LIPH: variants seen among roughly 807,000 people sequenced by gnomAD.
LIPH encodes lipase H.
LIPH carries 32 observed loss-of-function variants against 47.6 expected under a neutral mutation model. That is an observed-to-expected ratio of 0.67 (90% CI 0.51 to 0.90). The LOEUF (loss-of-function observed/expected upper bound fraction) is 0.90. Ranked by LOEUF, LIPH falls within the 40% of genes least tolerant of loss-of-function variation. LIPH has a pLI of 0.00. For synonymous variants in LIPH, 190 were observed against 195.6 expected (o/e 0.97, Z 0.24); for missense variants, 497 against 541.4 (o/e 0.92, Z 0.81).
chr3:185,529,941 AGAAAGAAAGAAAGAAAGAAAGAAG>A (rs1344961686), intron 3 of LIPH, among the ~76,000 whole-genome samples: 67 of 52,506 alleles, frequency 1.3e-3, no homozygotes, highest in African/African-American at 2.3e-3. Flanking sequence ...AAAGAAAGAA[AGAAAGAAAGAAAGAAAGAAAGAAG>A]GAAAGAAAGA....
At chr3:185,530,967 A>G (rs1480214806) in intron 3 of LIPH, among the ~76,000 whole-genome samples, 1 of 152,204 alleles carries the variant, frequency 6.6e-6, no homozygotes, top group Non-Finnish European at 1.5e-5. Context: ...CAGTTTTCAG[A>G]GTGATAACGG....
At chr3:185,538,876 T>TATATATACATATATACATATATACAC (rs1305113480) in intron 1 of LIPH, among the ~76,000 whole-genome samples, 1 of 140,866 alleles carries the variant, frequency 7.1e-6, no homozygotes, top group African/African-American at 2.6e-5. Flanking sequence ...TATATACACA[T>TATATATACATATATACATATATACAC]ATATATACAT....
At position 185,534,941 on chromosome 3, in the gene LIPH, T is replaced by C. The variant is rs1176079211; in HGVS notation, c.241A>G (p.Thr81Ala). The change falls in exon 2 of 10, where the codon ACA (threonine) becomes GCA (alanine). Residue 81 changes from threonine (T) to alanine (A), a missense_variant. Physicochemically the swap from Thr to Ala is moderately conservative, Grantham distance 58 (BLOSUM62 0). Coordinates refer to ENST00000296252, the MANE Select transcript of LIPH (RefSeq NM_139248.3). Reference protein sequence around the residue: ...TTFIVHGFRPTGSPPVWMDDL... With the variant: ...TTFIVHGFRPAGSPPVWMDDL... ...TCCATCCAAACAGGAGGGGAGCCTG[T>C]TGGCCTGAATCCATGGACAATGAAG... 1 of 1,614,046 alleles carries C rather than the reference T, an allele frequency of 6.2e-7. No homozygotes were observed.
chr3:185,520,768 T>C (rs1442857223), intron 5 of LIPH, among the ~76,000 whole-genome samples: 1 of 152,118 alleles, frequency 6.6e-6, no homozygotes, highest in East Asian at 1.9e-4. Flanking sequence ...ATTATCAAAA[T>C]TCTCCCATTC....
At chr3:185,538,810 C>T (rs58201551) in intron 1 of LIPH, among the ~76,000 whole-genome samples, 1 of 4,922 alleles carries the variant, frequency 2.0e-4, no homozygotes, top group Non-Finnish European at 6.8e-4. Flanking sequence ...CACATATATA[C>T]ATATATACAC....
intron 1 of LIPH, among the ~76,000 whole-genome samples, chr3:185,549,321 C>A (rs892614770): frequency 6.6e-5 from 10 of 151,978 alleles, no homozygotes; most frequent in African/African-American, 2.4e-4. Context: ...GAATCATGTG[C>A]ATAAATATGC....
Position 185,534,953 on chromosome 3 carries a change from C to T in LIPH, c.229G>A (p.Gly77Arg). ...GGAGGGGAGCCTGTTGGCCTGAATC[C>T]ATGGACAATGAAGGTGGTTTTCTTG... ...VTKKTTFIVH[G>R]FRPTGSPPVW... The change falls in exon 2 of 10, where the codon GGA becomes AGA. Residue 77 changes from glycine (G) to arginine (R), a missense_variant. Physicochemically the swap from Gly to Arg is moderately radical, Grantham distance 125 (BLOSUM62 -2). Coordinates refer to ENST00000296252, the MANE Select transcript of LIPH (RefSeq NM_139248.3). 2 of 1,614,128 alleles carry T rather than the reference C, an allele frequency of 1.2e-6. No homozygotes were observed. Among genetic ancestry groups the T allele is most frequent in the South Asian group, 1.1e-5 (1 of 91,062 alleles).
intron 9 of LIPH, among the ~76,000 whole-genome samples, 184 bp from the exon 10 acceptor site, chr3:185,509,061 G>T (rs1719472341): frequency 1.3e-5 from 2 of 152,080 alleles, no homozygotes; most frequent in South Asian, 2.1e-4. Context: ...AGAGGCCGAG[G>T]CGGGCAGATA....
intron 1 of LIPH, 60 bp from the exon 2 acceptor site, chr3:185,535,192 G>A (rs570789349): frequency 1.7e-5 from 27 of 1,582,962 alleles, no homozygotes; most frequent in African/African-American, 1.5e-4. Flanking sequence ...CATCAAGCAA[G>A]AGTGCTGTTC....
In LIPH at chr3:185,523,098, T is replaced by C. The variant is rs116452672; in HGVS notation, c.718+973A>G. ...ACTTTTTGTAAGCTGGCCATTTAAA[T>C]TATTTCAAAAGCTCTAATTATTATA... is the stretch of plus-strand genomic sequence containing the variant. On this transcript the variant is annotated intron_variant, in intron 5 of 9. Coordinates refer to ENST00000296252, the MANE Select transcript of LIPH (RefSeq NM_139248.3). 1.6e-3 allele frequency among the ~76,000 whole-genome samples: 246 copies of C among 152,324 alleles called. 1 individual carries two copies. Among genetic ancestry groups the C allele is most frequent in the African/African-American group, 5.7e-3 (237 of 41,586 alleles).
intron 6 of LIPH, 53 bp downstream of exon 6, chr3:185,519,089 T>C (rs1052446143): frequency 2.6e-5 from 38 of 1,465,514 alleles, no homozygotes; most frequent in Non-Finnish European, 3.4e-5. Flanking sequence ...CTGGGATTCA[T>C]ACCAAAAATT....
intron 1 of LIPH, among the ~76,000 whole-genome samples, chr3:185,539,572 T>C (rs561235220): frequency 6.6e-6 from 1 of 151,792 alleles, no homozygotes; most frequent in African/African-American, 2.4e-5. Flanking sequence ...GGTTTCACCT[T>C]GTTGGCCAGG....
chr3:185,517,949 A>G (rs138704282), intron 6 of LIPH, among the ~76,000 whole-genome samples: 3 of 152,254 alleles, frequency 2.0e-5, no homozygotes, highest in East Asian at 3.9e-4. Context: ...CACAATATCT[A>G]TTACCTCACT....
rs1719464068 is a variant in LIPH, at chr3:185,508,824, AAGACTGTTTC to A, written c.1312_1321del (p.Glu438SerfsTer20). 6.2e-7 allele frequency: 1 copy of A among 1,613,908 alleles called. No individual in the cohort carries two copies. ...CAACTCTGGGCAAAGAATAGGTTGG[AAGACTGTTTC>A]AACGTTTTCCATCAGGACAAGATCA... On this transcript the variant is annotated frameshift_variant, in exon 10 of 10. Transcript: ENST00000296252. LOFTEE classifies it high-confidence loss of function.
intron 1 of LIPH, among the ~76,000 whole-genome samples, chr3:185,536,215 T>A (rs902092742): frequency 1.3e-5 from 2 of 152,176 alleles, no homozygotes; most frequent in African/African-American, 4.8e-5. Flanking sequence ...TCCCTCACAG[T>A]GCCCAGCACA....
intron 5 of LIPH, 95 bp downstream of exon 5, chr3:185,523,976 C>T: frequency 2.4e-6 from 2 of 832,462 alleles, no homozygotes; most frequent in South Asian, 1.4e-5. Context: ...CCCGTCTCGG[C>T]CTCCCAAAGT....
chr3:185,510,813 T>C (rs1244133871), intron 9 of LIPH, among the ~76,000 whole-genome samples: 1 of 152,134 alleles, frequency 6.6e-6, no homozygotes, highest in Admixed American at 6.6e-5. Context: ...ATGTTCCAAT[T>C]TTCTGTACCT....
At chr3:185,519,781 G>A (rs1309512284) in intron 5 of LIPH, among the ~76,000 whole-genome samples, 1 of 136,424 alleles carries the variant, frequency 7.3e-6, no homozygotes, top group African/African-American at 2.8e-5. Flanking sequence ...AGGTTGCAGT[G>A]AGCCGAGATT....
chr3:185,535,065 T>C lies in LIPH; in HGVS notation c.117A>G (p.Leu39=), dbSNP rs1295478170. The change falls in exon 2 of 10, where the codon CTA becomes CTG. Residue 39 remains leucine, a synonymous_variant. Transcript: ENST00000296252. ...TTGTGTAGAGCATCAGCCTCACATT[T>C]AGTCCCGTACCAACCACTGCACTGT... is the stretch of plus-strand genomic sequence containing the variant. ...SFHSAVVGTG[L]NVRLMLYTRK... 1 of 1,614,038 alleles carries C rather than the reference T, an allele frequency of 6.2e-7. No individual in the cohort carries two copies. Among genetic ancestry groups the C allele is most frequent in the Admixed American group, 1.7e-5 (1 of 60,012 alleles).
Sources: gnomAD v4.1 joint callset for allele counts (sites outside exome capture counted in the v4.1 genomes callset) on GRCh38, gnomAD v4.1.1 for gene constraint, MANE v1.5 for transcripts, NCBI Gene and HGNC (gene_info 2026-07-23, HGNC 2026-07-21) for gene names.